Variants in JAM2 observed in about 807,000 individuals in gnomAD.
JAM2 encodes junctional adhesion molecule B.
In JAM2, 17 loss-of-function variants were observed where a neutral mutation model predicts 42.0. The ratio of observed to expected loss-of-function variants is 0.40; its 90% confidence interval spans 0.28 to 0.61. The LOEUF (loss-of-function observed/expected upper bound fraction) is 0.61. JAM2 is among the 20% of genes least tolerant of loss of function. JAM2 has a pLI of 0.37. For missense variants in JAM2, 319 were observed against 358.3 expected, an observed-to-expected ratio of 0.89 and a Z score of 0.89; for synonymous variants, 118 against 128.6, an observed-to-expected ratio of 0.92 and a Z score of 0.56.
At chr21:25,675,453 G>A (rs897844332) in intron 1 of JAM2, among the ~76,000 whole-genome samples, 2 of 151,864 alleles carry the variant, frequency 1.3e-5, no homozygotes, top group East Asian at 3.9e-4. Flanking sequence ...CCAAGATGGC[G>A]CCATTGCACT....
chr21:25,708,575 A>C (rs1467227454), intron 7 of JAM2, among the ~76,000 whole-genome samples: 1 of 152,186 alleles, frequency 6.6e-6, no homozygotes, highest in East Asian at 1.9e-4. Flanking sequence ...CCAAACAAAC[A>C]AACAAAAAGA....
intron 1 of JAM2, among the ~76,000 whole-genome samples, chr21:25,682,506 C>A (rs1310345981): frequency 6.6e-6 from 1 of 152,228 alleles, no homozygotes; most frequent in Non-Finnish European, 1.5e-5. Context: ...GTAGCCACCG[C>A]TGCTTGAATC....
intron 1 of JAM2, among the ~76,000 whole-genome samples, chr21:25,676,353 T>C (rs1347645590): frequency 6.6e-6 from 1 of 151,026 alleles, no homozygotes; most frequent in East Asian, 1.9e-4. Context: ...CAGTTTTTCC[T>C]AGTCATGTTT....
At chr21:25,677,049 G>T (rs539853600) in intron 1 of JAM2, among the ~76,000 whole-genome samples, 1 of 152,054 alleles carries the variant, frequency 6.6e-6, no homozygotes, top group Non-Finnish European at 1.5e-5. Flanking sequence ...GAGGAAGAAA[G>T]GTAGCTAGAA....
chr21:25,702,109 T>C, intron 5 of JAM2, 61 bp from the exon 6 acceptor site: 1 of 864,996 alleles, frequency 1.2e-6, no homozygotes, highest in Non-Finnish European at 1.8e-6. Context: ...GACAGGGTTA[T>C]TTAAAAAGTC....
At chr21:25,699,390 A>T (rs778325736) in intron 5 of JAM2, among the ~76,000 whole-genome samples, 44 of 152,172 alleles carry the variant, frequency 2.9e-4, no homozygotes, top group Non-Finnish European at 4.4e-4. Context: ...GGAATTAGAA[A>T]TACCTAGACT....
At chr21:25,669,503 G>A (rs950046642) in intron 1 of JAM2, among the ~76,000 whole-genome samples, 10 of 152,138 alleles carry the variant, frequency 6.6e-5, no homozygotes, top group South Asian at 4.1e-4. Flanking sequence ...TTCTATCTGC[G>A]TCACCACATT....
intron 1 of JAM2, among the ~76,000 whole-genome samples, chr21:25,668,586 C>G (rs1034520882): frequency 1.3e-5 from 2 of 152,180 alleles, no homozygotes; most frequent in Admixed American, 1.3e-4. Flanking sequence ...TTGCCATCAT[C>G]TGAGGTGGAG....
intron 1 of JAM2, among the ~76,000 whole-genome samples, chr21:25,648,482 G>A (rs1305704016): frequency 1.3e-5 from 2 of 151,046 alleles, no homozygotes; most frequent in Non-Finnish European, 2.9e-5. Flanking sequence ...GTGTGTAAAC[G>A]AGTGAACATC....
chr21:25,680,872 C>T (rs73161744), intron 1 of JAM2, among the ~76,000 whole-genome samples: 21,908 of 151,960 alleles, frequency 0.14, 1,650 homozygotes, highest in Non-Finnish European at 0.15. Context: ...GAATGAAGCA[C>T]CAGGATCAGA....
chr21:25,712,063 C>G (rs1040393037), intron 8 of JAM2: 18 of 334,358 alleles, frequency 5.4e-5, no homozygotes, highest in Non-Finnish European at 8.9e-5. Context: ...TAGTAAGTCT[C>G]TGGTTTGTGT....
chr21:25,655,914 G>GTTT (rs11371745), intron 1 of JAM2, among the ~76,000 whole-genome samples: 1 of 145,202 alleles, frequency 6.9e-6, no homozygotes, highest in Non-Finnish European at 1.5e-5. Flanking sequence ...CCCACTAATA[G>GTTT]TTTTTTTTTT....
chr21:25,695,229 T>C (rs921892054), intron 4 of JAM2, among the ~76,000 whole-genome samples: 59 of 152,324 alleles, frequency 3.9e-4, no homozygotes, highest in Non-Finnish European at 5.7e-4. Context: ...AAGCACATCT[T>C]GCACCGCCCT....
intron 6 of JAM2, among the ~76,000 whole-genome samples, chr21:25,704,384 CA>C (rs1251311451): frequency 2.0e-5 from 3 of 152,048 alleles, no homozygotes; most frequent in East Asian, 1.9e-4. Context: ...TTAAAAAAAT[CA>C]ATTAATATTT....
intron 7 of JAM2, among the ~76,000 whole-genome samples, 182 bp downstream of exon 7, chr21:25,706,268 A>G (rs1487307486): frequency 1.3e-5 from 2 of 151,862 alleles, no homozygotes; most frequent in Non-Finnish European, 2.9e-5. Flanking sequence ...TACAACCTCC[A>G]CCTCCCAGGT....
At chr21:25,690,017 A>G (rs1314733606) in intron 3 of JAM2, 44 bp downstream of exon 3, 3 of 1,158,376 alleles carry the variant, frequency 2.6e-6, no homozygotes, top group Admixed American at 3.5e-5. Flanking sequence ...AGAGAATGCC[A>G]AGTACAACCA....
At position 25,714,749 on chromosome 21, in the gene JAM2, C is replaced by T. The variant is rs1021018598; in HGVS notation, c.*77C>T. The T allele has an allele frequency of 1.3e-4, 124 of 968,486 alleles. No homozygotes were observed. The highest frequency in any genetic ancestry group is 1.8e-4 in the Non-Finnish European group (118 of 670,636). 60.0% of individuals were successfully genotyped at this position (968,486 alleles called of 1,614,324 possible). A position where few individuals can be genotyped will look rare whatever the true frequency, so the allele number is the denominator to read the frequency against. On this transcript the variant is annotated 3_prime_UTR_variant, in exon 10 of 10. Transcript: ENST00000480456. The stretch of plus-strand genomic sequence containing the variant: ...AACTATTATAAAACTCTGCTTTGTC[C>T]GACATTTGCAAAGAGGTACACGAGG...
chr21:25,702,330 TG>T, intron 6 of JAM2, 61 bp downstream of exon 6: 2 of 1,037,176 alleles, frequency 1.9e-6, no homozygotes, highest in Non-Finnish European at 1.5e-6. Context: ...GTACAGCAGT[TG>T]GGGGTACAAG....
chr21:25,660,472 C>G (rs1421154954), intron 1 of JAM2, among the ~76,000 whole-genome samples: 2 of 151,910 alleles, frequency 1.3e-5, no homozygotes, highest in Non-Finnish European at 2.9e-5. Context: ...GGACCTATTC[C>G]ATTGTCACAA....
Sources: allele counts gnomAD v4.1 joint callset (sites outside exome capture counted in the v4.1 genomes callset), GRCh38; gene constraint gnomAD v4.1.1; transcripts MANE v1.5; gene names NCBI Gene and HGNC (gene_info 2026-07-23, HGNC 2026-07-21).